SORCS3: variants seen among roughly 807,000 people sequenced by gnomAD.
The protein encoded by SORCS3 is sortilin related VPS10 domain containing receptor 3.
SORCS3 carries 57 observed loss-of-function variants against 146.3 expected under a neutral mutation model. That is an observed-to-expected ratio of 0.39 (90% CI 0.31 to 0.49). SORCS3 has a LOEUF of 0.49. Among genes scored for constraint, SORCS3 ranks in the 20% least tolerant of loss-of-function variants. The pLI, the probability that SORCS3 is intolerant of heterozygous loss-of-function variation, is 0.92. For synonymous variants in SORCS3, 653 were observed against 618.5 expected (o/e 1.06, Z -0.83); for missense variants, 1,341 against 1,575.5 (o/e 0.85, Z 2.52).
chr10:105,128,448 C>T lies in SORCS3; in HGVS notation c.1213-10949C>T, dbSNP rs572014018. Among the ~76,000 whole-genome samples the T allele has an allele frequency of 7.9e-5, 12 of 152,170 alleles. 1 individual carries two copies. In the South Asian group the frequency reaches 2.5e-3, roughly 32 times the overall value. On this transcript the variant is annotated intron_variant, in intron 7 of 26. Coordinates refer to ENST00000369701, the MANE Select transcript of SORCS3 (RefSeq NM_014978.3). Reference sequence around the variant, plus strand: ...TCCAAGCCTTCCAGAAATCCCATGCCCCAAAGAAGCGTCCCTAATTCTCTA... The same window carrying T: ...TCCAAGCCTTCCAGAAATCCCATGCTCCAAAGAAGCGTCCCTAATTCTCTA...
chr10:104,688,313 C>T (rs572003991), intron 1 of SORCS3, among the ~76,000 whole-genome samples: 42 of 152,250 alleles, frequency 2.8e-4, no homozygotes, highest in African/African-American at 9.9e-4. Context: ...GAAGGAGGGA[C>T]GATTCGGGTG....
At chr10:104,711,465 A>T (rs927299177) in intron 1 of SORCS3, among the ~76,000 whole-genome samples, 1 of 152,220 alleles carries the variant, frequency 6.6e-6, no homozygotes, top group Non-Finnish European at 1.5e-5. Context: ...ACTGGAGGCC[A>T]CATAGTTGGG....
chr10:105,158,392 A>G (rs1034801669), intron 10 of SORCS3, among the ~76,000 whole-genome samples: 1 of 152,246 alleles, frequency 6.6e-6, no homozygotes, highest in Admixed American at 6.5e-5. Flanking sequence ...AAGTAAAATT[A>G]TAAGTAAGAA....
At chr10:104,982,557 T>C (rs1325353177) in intron 4 of SORCS3, among the ~76,000 whole-genome samples, 1 of 152,180 alleles carries the variant, frequency 6.6e-6, no homozygotes, top group African/African-American at 2.4e-5. Context: ...GAAGGGCACT[T>C]TTCACTTAAA....
intron 20 of SORCS3, among the ~76,000 whole-genome samples, chr10:105,227,583 AG>A (rs1564789648): frequency 6.6e-6 from 1 of 152,070 alleles, no homozygotes; most frequent in East Asian, 1.9e-4. Flanking sequence ...GTGCAGTTTA[AG>A]TGAAATGTTT....
At chr10:105,068,925 G>T (rs187279701) in intron 5 of SORCS3, among the ~76,000 whole-genome samples, 17 of 152,206 alleles carry the variant, frequency 1.1e-4, no homozygotes, top group African/African-American at 4.1e-4. Context: ...CATTGTTTTT[G>T]CTATGCAGGA....
intron 1 of SORCS3, among the ~76,000 whole-genome samples, chr10:104,690,145 T>A (rs2133421604): frequency 1.3e-5 from 2 of 152,346 alleles, no homozygotes; most frequent in South Asian, 4.1e-4. Context: ...CCCTTGCCTG[T>A]AGCTGGGAAG....
At chr10:104,903,009 T>C (rs537129927) in intron 2 of SORCS3, among the ~76,000 whole-genome samples, 1 of 152,314 alleles carries the variant, frequency 6.6e-6, no homozygotes, top group East Asian at 1.9e-4. Flanking sequence ...TGTGATACTT[T>C]GTGAAGCAGA....
intron 2 of SORCS3, among the ~76,000 whole-genome samples, chr10:104,865,967 T>G (rs967292931): frequency 2.0e-5 from 3 of 152,202 alleles, no homozygotes; most frequent in Non-Finnish European, 4.4e-5. Context: ...TAGTTTTCTA[T>G]CTGTTCCCCA....
At chr10:105,143,782 G>A (rs184654929) in intron 8 of SORCS3, among the ~76,000 whole-genome samples, 115 of 152,216 alleles carry the variant, frequency 7.6e-4, no homozygotes, top group African/African-American at 2.7e-3. Context: ...GTTATCTGAG[G>A]CATTATATAT....
At chr10:104,879,044 C>T (rs2018605366) in intron 2 of SORCS3, among the ~76,000 whole-genome samples, 1 of 152,108 alleles carries the variant, frequency 6.6e-6, no homozygotes, top group Admixed American at 6.5e-5. Flanking sequence ...CTGAGACTTG[C>T]TACAAGTTAG....
At chr10:104,991,707 G>A (rs1047051067) in intron 4 of SORCS3, among the ~76,000 whole-genome samples, 8 of 152,032 alleles carry the variant, frequency 5.3e-5, no homozygotes, top group African/African-American at 1.9e-4. Flanking sequence ...CGCTATATTG[G>A]CCAGGCTGGT....
chr10:105,009,110 C>T (rs1278641760), intron 4 of SORCS3, among the ~76,000 whole-genome samples: 1 of 152,152 alleles, frequency 6.6e-6, no homozygotes, highest in Non-Finnish European at 1.5e-5. Flanking sequence ...TGTGAATTAT[C>T]CTTTTTTATA....
chr10:104,910,175 G>C (rs1319816440), intron 2 of SORCS3, among the ~76,000 whole-genome samples: 3 of 152,168 alleles, frequency 2.0e-5, no homozygotes, highest in Non-Finnish European at 2.9e-5. Context: ...AGAGTAGCGT[G>C]AGTGACAGGT....
intron 1 of SORCS3, among the ~76,000 whole-genome samples, chr10:104,686,280 G>T (rs1200349867): frequency 1.3e-5 from 2 of 152,060 alleles, no homozygotes; most frequent in Non-Finnish European, 2.9e-5. Context: ...TCTTGGTTTT[G>T]GGAGGGTGGT....
At chr10:104,979,220 G>C (rs967818459) in intron 4 of SORCS3, among the ~76,000 whole-genome samples, 2 of 152,120 alleles carry the variant, frequency 1.3e-5, no homozygotes, top group Non-Finnish European at 2.9e-5. Flanking sequence ...CTTGTAATCA[G>C]TCCTCAGTGT....
At chr10:104,779,750 C>T (rs2017351523) in intron 1 of SORCS3, among the ~76,000 whole-genome samples, 2 of 152,262 alleles carry the variant, frequency 1.3e-5, no homozygotes, top group South Asian at 4.1e-4. Context: ...ATTCCCAGAG[C>T]TGCCTGTACC....
At chr10:105,039,414 G>T (rs901018865) in intron 4 of SORCS3, among the ~76,000 whole-genome samples, 8 of 151,340 alleles carry the variant, frequency 5.3e-5, no homozygotes, top group African/African-American at 1.9e-4. Context: ...GGTGAAACAG[G>T]CCTGAGTGAG....
chr10:105,134,660 G>T (rs78650819), intron 7 of SORCS3, among the ~76,000 whole-genome samples: 1 of 151,896 alleles, frequency 6.6e-6, no homozygotes, highest in African/African-American at 2.4e-5. Flanking sequence ...CCTCTTGAAC[G>T]GCCCCAACTC....
Sources: allele counts gnomAD v4.1 joint callset (sites outside exome capture counted in the v4.1 genomes callset), GRCh38; gene constraint gnomAD v4.1.1; transcripts MANE v1.5; gene names NCBI Gene and HGNC (gene_info 2026-07-23, HGNC 2026-07-21).